KGD4: variants seen among roughly 807,000 people sequenced by gnomAD.
KGD4 encodes the protein alpha-ketoglutarate dehydrogenase subunit 4.
At chr5:69,223,074 C>CTTGTTTT in the KGD4 span, among the ~76,000 whole-genome samples, 1 of 59,128 alleles carries the variant, frequency 1.7e-5, no homozygotes. Flanking sequence ...CGGTGCGCAG[C>CTTGTTTT]TTTTTTTTTT....
chr5:69,223,535 A>C, the KGD4 span, among the ~76,000 whole-genome samples: 1 of 152,218 alleles, frequency 6.6e-6, no homozygotes, highest in Admixed American at 6.6e-5. Context: ...CATAATATGT[A>C]CTACAAATAT....
the KGD4 span, chr5:69,228,191 T>TA: frequency 3.7e-5 from 57 of 1,534,510 alleles, 1 homozygote; most frequent in Admixed American, 4.7e-4. Context: ...TTTTTTTTTT[T>TA]AATTTCAGTA....
chr5:69,225,176 C>G, the KGD4 span, among the ~76,000 whole-genome samples: 2 of 151,316 alleles, frequency 1.3e-5, no homozygotes, highest in African/African-American at 4.9e-5. Context: ...AAGATCTGAG[C>G]TCACTGCAAC....
chr5:69,218,061 G>A, the KGD4 span: 1 of 870,464 alleles, frequency 1.1e-6, no homozygotes, highest in Non-Finnish European at 1.8e-6. Context: ...AGTGAGGTGG[G>A]TCCGGCGCCG....
chr5:69,218,323 C>G, the KGD4 span, among the ~76,000 whole-genome samples: 1 of 152,262 alleles, frequency 6.6e-6, no homozygotes, highest in Non-Finnish European at 1.5e-5. Context: ...CCTTCAAGGT[C>G]TCGGGAATGG....
chr5:69,218,040 T>C, the KGD4 span: 1 of 1,099,700 alleles, frequency 9.1e-7, no homozygotes, highest in South Asian at 1.5e-5. Context: ...TTTGAGCCTG[T>C]TGGACCGGGC....
At chr5:69,217,788 G>A in the KGD4 span, 4 of 1,612,908 alleles carry the variant, frequency 2.5e-6, no homozygotes, top group African/African-American at 1.3e-5. Flanking sequence ...AGTGATCGCC[G>A]CGGCTCGCTC....
chr5:69,229,958 T>G, the KGD4 span: 2 of 151,828 alleles, frequency 1.3e-5, 1 homozygote. Context: ...TTTTGGTTTA[T>G]TTTACTGTTT....
chr5:69,223,717 A>G, the KGD4 span, among the ~76,000 whole-genome samples: 13 of 152,172 alleles, frequency 8.5e-5, no homozygotes, highest in Admixed American at 8.5e-4. Flanking sequence ...TTTTACGGAC[A>G]AAAATGTTAA....
the KGD4 span, among the ~76,000 whole-genome samples, chr5:69,222,611 C>G: frequency 6.6e-6 from 1 of 152,046 alleles, no homozygotes; most frequent in African/African-American, 2.4e-5. Flanking sequence ...GTCTCATCTT[C>G]TTGCTCAGGC....
At chr5:69,220,691 C>G in the KGD4 span, among the ~76,000 whole-genome samples, 1 of 152,050 alleles carries the variant, frequency 6.6e-6, no homozygotes, top group Non-Finnish European at 1.5e-5. Flanking sequence ...TCTGAAGAGA[C>G]AGCAACCATC....
the KGD4 span, chr5:69,229,083 C>A: frequency 9.9e-5 from 47 of 475,996 alleles, no homozygotes; most frequent in Middle Eastern, 4.5e-4. Context: ...TTGACTAATT[C>A]AAAACTATTT....
chr5:69,220,696 A>G, the KGD4 span, among the ~76,000 whole-genome samples: 2 of 152,206 alleles, frequency 1.3e-5, no homozygotes, highest in African/African-American at 4.8e-5. Context: ...AGAGACAGCA[A>G]CCATCGAGAA....
At chr5:69,226,283 G>T in the KGD4 span, 14 of 1,243,160 alleles carry the variant, frequency 1.1e-5, no homozygotes, top group South Asian at 1.7e-4. Context: ...AGGTTTAGTA[G>T]ATCATTTCTT....
At chr5:69,226,473 A>G in the KGD4 span, 1 of 1,022,966 alleles carries the variant, frequency 9.8e-7, no homozygotes, top group Non-Finnish European at 1.5e-6. Flanking sequence ...ATTTTATTAT[A>G]GGCAATATTT....
At chr5:69,228,686 C>G in the KGD4 span, among the ~76,000 whole-genome samples, 7 of 151,982 alleles carry the variant, frequency 4.6e-5, no homozygotes, top group Admixed American at 4.6e-4. Flanking sequence ...AAGGACAGGT[C>G]AACCTTGAGT....
At chr5:69,219,579 TGAA>T in the KGD4 span, among the ~76,000 whole-genome samples, 1 of 151,958 alleles carries the variant, frequency 6.6e-6, no homozygotes, top group Admixed American at 6.6e-5. Context: ...TGCAAACAAA[TGAA>T]GAAACTGTGA....
chr5:69,218,086 G>A, the KGD4 span: 6 of 678,700 alleles, frequency 8.8e-6, no homozygotes, highest in Non-Finnish European at 1.5e-5. Flanking sequence ...TTCGAGCCTT[G>A]CGGCAACCGT....
At chr5:69,230,113 A>C in the KGD4 span, 4 of 152,026 alleles carry the variant, frequency 2.6e-5, no homozygotes, top group Non-Finnish European at 5.9e-5. Context: ...GTATATTGTG[A>C]AGTAAAGCCT....
Sources: allele counts gnomAD v4.1 joint callset (sites outside exome capture counted in the v4.1 genomes callset), GRCh38; gene constraint gnomAD v4.1.1; transcripts MANE v1.5; gene names NCBI Gene and HGNC (gene_info 2026-07-23, HGNC 2026-07-21).